ZNF823: variants seen among roughly 807,000 people sequenced by gnomAD.
The protein encoded by ZNF823 is zinc finger protein 823.
A neutral mutation model predicts 11.4 loss-of-function variants in ZNF823; 5 were observed. The ratio of observed to expected loss-of-function variants is 0.44; its 90% CI spans 0.23 to 0.92. The LOEUF is 0.92. Among genes scored for constraint, ZNF823 ranks in the 40% least tolerant of loss-of-function variants. ZNF823 has a pLI of 0.24. For missense variants in ZNF823, 582 were observed against 738.5 expected, an observed-to-expected ratio of 0.79 and a Z score of 2.46; for synonymous variants, 234 against 250.5, an observed-to-expected ratio of 0.93 and a Z score of 0.62.
chr19:11,724,128 T>C, intron 3 of ZNF823, 66 bp downstream of exon 3: 2 of 1,356,844 alleles, frequency 1.5e-6, no homozygotes, highest in Non-Finnish European at 1.0e-6. Flanking sequence ...TGCTCGTTTT[T>C]AAAATTTTCT....
chr19:11,726,287 C>CATATACACACATATATATATATATATAT (rs1555766612), intron 1 of ZNF823, among the ~76,000 whole-genome samples: 1 of 112,244 alleles, frequency 8.9e-6, no homozygotes, highest in African/African-American at 2.8e-5. Context: ...ATAAAAAATA[C>CATATACACACATATATATATATATATAT]ATATATATAT....
intron 1 of ZNF823, among the ~76,000 whole-genome samples, chr19:11,738,154 T>C (rs1007483667): frequency 1.3e-5 from 2 of 152,176 alleles, no homozygotes; most frequent in Admixed American, 6.5e-5. Flanking sequence ...CAGCAGACGC[T>C]GACCGCCGGC....
At chr19:11,725,615 G>A (rs114003881) in intron 1 of ZNF823, among the ~76,000 whole-genome samples, 63 of 152,228 alleles carry the variant, frequency 4.1e-4, no homozygotes, top group African/African-American at 1.4e-3. Context: ...TTTCTACAGC[G>A]GTCTGTGTAG....
Position 11,721,646 on chromosome 19 carries a change from G to A in ZNF823, c.*55C>T. 1 of 1,513,230 alleles carries A rather than the reference G, an allele frequency of 6.6e-7. No individual in the cohort carries two copies. The highest frequency in any genetic ancestry group is 8.9e-7 in the Non-Finnish European group (1 of 1,123,128). 93.7% of individuals were successfully genotyped at this position (1,513,230 alleles called of 1,614,324 possible). On this transcript the variant is annotated 3_prime_UTR_variant, in exon 4 of 4. Coordinates refer to ENST00000341191, the MANE Select transcript of ZNF823 (RefSeq NM_001080493.4). ...TTCATAGGGTCTATCTCCAAAGTGA[G>A]TTCTTTCAAGTTTCTGAAATTAAAG...
chr19:11,724,417 T>C (rs564758268), intron 2 of ZNF823, among the ~76,000 whole-genome samples, 163 bp from the exon 3 acceptor site: 71 of 152,292 alleles, frequency 4.7e-4, no homozygotes, highest in African/African-American at 1.7e-3. Flanking sequence ...TACATGAATG[T>C]TCTTCAGTCT....
Position 11,722,032 on chromosome 19 carries a change from C to T in ZNF823, c.1502G>A (p.Cys501Tyr). The T allele has an allele frequency of 6.2e-7, 1 of 1,613,878 alleles. No individual in the cohort carries two copies. The highest frequency in any genetic ancestry group is 8.5e-7 in the Non-Finnish European group (1 of 1,179,988). Reference sequence around the variant, plus strand: ...ACTGAAGGCTTTTCTACATGTTTTACACTCATAAGGTTTTTCTACTGTGTG... The same window carrying T: ...ACTGAAGGCTTTTCTACATGTTTTATACTCATAAGGTTTTTCTACTGTGTG... The part of the protein sequence containing the change: ...RTHTVEKPYE[C>Y]KTCRKAFSHF... Residue 501 changes from cysteine to tyrosine, a missense_variant, in exon 4 of 4, where the codon TGT becomes TAT. By Grantham distance (194) the Cys-to-Tyr change is radical. Around this residue, in one of 3 missense-constraint regions of ZNF823, gnomAD observed 144 missense variants for 154.3 expected, o/e 0.93. Transcript: ENST00000341191. The surrounding 1 kb of genome is among the most constrained non-coding windows in gnomAD (Gnocchi z 5.2).
chr19:11,738,716 C>T, intron 1 of ZNF823, 101 bp downstream of exon 1: 1 of 1,433,074 alleles, frequency 7.0e-7, no homozygotes, highest in Non-Finnish European at 9.3e-7. Context: ...TTGCAGACCC[C>T]GGAGTCGCCC....
rs986919039 is a variant in ZNF823, at chr19:11,724,409, C to T, written c.131-155G>A. Among the ~76,000 whole-genome samples, 7 of 152,290 alleles carry T rather than the reference C, an allele frequency of 4.6e-5. No individual in the cohort carries two copies. In the East Asian group the frequency reaches 5.8e-4, roughly 13 times the overall value. ...TTTGAACTGCACAGCTCCACTCATACATGAATGTTCTTCAGTCTCTGCTAC... is the reference window on the plus strand; with the variant it reads ...TTTGAACTGCACAGCTCCACTCATATATGAATGTTCTTCAGTCTCTGCTAC... On this transcript the variant is annotated intron_variant, in intron 2 of 3. Coordinates refer to ENST00000341191, the MANE Select transcript of ZNF823 (RefSeq NM_001080493.4).
Position 11,722,459 on chromosome 19 carries a change from G to C in ZNF823, c.1075C>G (p.Pro359Ala), listed in dbSNP as rs777864795. 1 of 1,614,182 alleles carries C rather than the reference G, an allele frequency of 6.2e-7. No homozygotes were observed. Among genetic ancestry groups the C allele is most frequent in the Non-Finnish European group, 8.5e-7 (1 of 1,180,038 alleles). The change falls in exon 4 of 4, where the codon CCC becomes GCC. Residue 359 changes from proline (P) to alanine (A), a missense_variant. Transcript: ENST00000341191. The surrounding 1 kb of genome is among the most constrained non-coding windows in gnomAD (Gnocchi z 5.2). ...TTCCCACACTGCTTACATTCATAGG[G>C]TTTCTCTCCAGTGTGAGTAGTTTCA... is the stretch of plus-strand genomic sequence containing the variant. ...NHETTHTGEK[P>A]YECKQCGKVL...
intron 1 of ZNF823, among the ~76,000 whole-genome samples, chr19:11,729,679 T>C (rs886988439): frequency 6.6e-6 from 1 of 152,196 alleles, no homozygotes; most frequent in Non-Finnish European, 1.5e-5. Context: ...GGGCTTTCTT[T>C]GTAAGATTAT....
chr19:11,722,236 C>T lies in ZNF823; in HGVS notation c.1298G>A (p.Arg433Lys), dbSNP rs770729415. The T allele has an allele frequency of 6.2e-7, 1 of 1,613,736 alleles. No homozygotes were observed. The highest frequency in any genetic ancestry group is 2.2e-5 in the East Asian group (1 of 44,838). The change falls in exon 4 of 4, where the codon AGA becomes AAA. Residue 433 changes from arginine to lysine, a missense_variant. By Grantham distance (26) the Arg-to-Lys change is conservative. This residue lies in a region of ZNF823 where 429 missense variants were observed against 553.7 expected (regional missense o/e 0.77). Coordinates refer to ENST00000341191, the MANE Select transcript of ZNF823 (RefSeq NM_001080493.4). This position sits in a 1 kb window ranked among gnomAD's most constrained non-coding sequence, Gnocchi z 5.2. ...KAFSLAGSLR[R>K]HEATHTGVKP... ...CACTCCAGTGTGAGTTGCTTCATGT[C>T]TTCGAAGGGAACCGGCAAGACTGAA...
chr19:11,726,308 A>ATAT (rs201583355), intron 1 of ZNF823, among the ~76,000 whole-genome samples: 14 of 140,742 alleles, frequency 9.9e-5, no homozygotes, highest in African/African-American at 3.6e-4. Context: ...ATATATATAT[A>ATAT]AATTTTTTTT....
Position 11,721,931 on chromosome 19 carries a change from C to A in ZNF823, c.1603G>T (p.Ala535Ser), listed in dbSNP as rs1974688193. Residue 535 changes from alanine (A) to serine (S), a missense_variant, in exon 4 of 4, where the codon GCA (alanine) becomes TCA (serine). Ala to Ser is a moderately conservative substitution (Grantham distance 99). Around this residue, in one of 3 missense-constraint regions of ZNF823, gnomAD observed 144 missense variants for 154.3 expected, o/e 0.93. Coordinates refer to ENST00000341191, the MANE Select transcript of ZNF823 (RefSeq NM_001080493.4). The stretch of plus-strand genomic sequence containing the variant: ...AGAAGGCAAGTGAGCCAAGAGAATG[C>A]TTTTCCACATTCCTTACATTCATAT... ...KPYECKECGK[A>S]FSWLTCLLRH... The A allele has an allele frequency of 3.7e-6, 6 of 1,614,108 alleles. No homozygotes were observed. Among genetic ancestry groups the A allele is most frequent in the African/African-American group, 2.7e-5 (2 of 75,032 alleles).
chr19:11,729,170 G>C (rs1234110885), intron 1 of ZNF823, among the ~76,000 whole-genome samples: 1 of 123,426 alleles, frequency 8.1e-6, no homozygotes, highest in East Asian at 2.3e-4. Flanking sequence ...GCAAGACTCT[G>C]TCTCAAAAAA....
rs570280114 is a variant in ZNF823, at chr19:11,724,725, AT to A, written c.131-472del. 8.3e-3 allele frequency among the ~76,000 whole-genome samples: 1,255 copies of A among 151,054 alleles called. 54 individuals carry two copies. The South Asian group carries it at 0.11, about 13-fold the overall frequency. Reference sequence around the variant, plus strand: ...AGGTGTCCGCCATCACGCCCGGCTAATTTTTTTTGTGTTTTTAGTAGAGACG... The same window carrying A: ...AGGTGTCCGCCATCACGCCCGGCTAATTTTTTTGTGTTTTTAGTAGAGACG... On this transcript the variant is annotated intron_variant, in intron 2 of 3. Transcript: ENST00000341191.
intron 2 of ZNF823, 23 bp from the exon 3 acceptor site, chr19:11,724,277 T>C: frequency 2.5e-6 from 4 of 1,583,794 alleles, no homozygotes; most frequent in Non-Finnish European, 3.4e-6. Context: ...CCCAGGAAAA[T>C]CACTAAAAAT....
intron 3 of ZNF823, among the ~76,000 whole-genome samples, chr19:11,723,622 T>C (rs1027295859): frequency 2.0e-5 from 3 of 152,226 alleles, no homozygotes; most frequent in Non-Finnish European, 4.4e-5. Flanking sequence ...CTCGGCTCAC[T>C]GCAACCTCTG....
intron 1 of ZNF823, among the ~76,000 whole-genome samples, chr19:11,731,023 C>A (rs969875417): frequency 1.5e-4 from 21 of 139,410 alleles, no homozygotes; most frequent in East Asian, 1.1e-3. Context: ...AAAAAAAAAA[C>A]CGCCCGCAGC....
rs1176371019 is a variant in ZNF823 at position 11,738,823 on chromosome 19, C to A, written c.-4G>T. 3.3e-5 allele frequency: 53 copies of A among 1,610,284 alleles called. 1 individual carries two copies. In the Admixed American group the frequency reaches 8.9e-4, roughly 27 times the overall value. On this transcript the variant is annotated 5_prime_UTR_variant, in exon 1 of 4. Transcript: ENST00000341191. ...CCGGGCCCCGCACACTCACCATTTC[C>A]CAGCTTCCAGGTGTCCGGGTGTCCT...
Sources: allele counts gnomAD v4.1 joint callset (sites outside exome capture counted in the v4.1 genomes callset), GRCh38; gene constraint gnomAD v4.1.1; regional missense constraint gnomAD v4.1.1; non-coding constraint Gnocchi (gnomAD v3.1); transcripts MANE v1.5; gene names NCBI Gene and HGNC (gene_info 2026-07-23, HGNC 2026-07-21).